Variants in FBXW4 observed in about 807,000 individuals in gnomAD.
FBXW4 encodes the protein F-box and WD repeat domain containing 4, also known as F-box/WD repeat-containing protein 4.
In FBXW4, 40 loss-of-function variants were observed where a neutral mutation model predicts 61.8. The observed-to-expected ratio is 0.65, with a 90% CI of 0.50 to 0.84. The LOEUF (loss-of-function observed/expected upper bound fraction) is 0.84. Among genes scored for constraint, FBXW4 ranks in the 40% least tolerant of loss-of-function variants. The pLI is 0.00. For synonymous variants in FBXW4, 311 were observed against 313.8 expected, an observed-to-expected ratio of 0.99 and a Z score of 0.10; for missense variants, 672 against 753.8, an observed-to-expected ratio of 0.89 and a Z score of 1.27.
chr10:101,632,124 T>C (rs1429043430), intron 5 of FBXW4, among the ~76,000 whole-genome samples: 1 of 151,826 alleles, frequency 6.6e-6, no homozygotes, highest in African/African-American at 2.4e-5. Flanking sequence ...AGAAGGGAGG[T>C]GCCCCACTGG....
chr10:101,663,074 C>G (rs2064261483), intron 5 of FBXW4, among the ~76,000 whole-genome samples: 2 of 152,204 alleles, frequency 1.3e-5, no homozygotes, highest in Non-Finnish European at 1.5e-5. Context: ...GCACACAGGA[C>G]ATGGGAACAG....
At chr10:101,625,096 C>G (rs955371255) in intron 5 of FBXW4, 3 of 447,368 alleles carry the variant, frequency 6.7e-6, no homozygotes, top group Admixed American at 7.0e-5. Flanking sequence ...AAAAACAGAT[C>G]TCTAGACGTG....
intron 5 of FBXW4, chr10:101,660,327 TGGGAG>T: frequency 8.0e-5 from 1 of 12,448 alleles, no homozygotes; most frequent in Non-Finnish European, 1.5e-4. Context: ...GAAGTTGGGT[TGGGAG>T]GGGGGGTGGG....
chr10:101,633,122 G>A (rs10786641), intron 5 of FBXW4, among the ~76,000 whole-genome samples: 38,466 of 152,112 alleles, frequency 0.25, 5,151 homozygotes, highest in Non-Finnish European at 0.29. Flanking sequence ...GACAGAAATA[G>A]TAATAGTACC....
chr10:101,654,119 T>TAAAAAAAAAAAAAAAAAA (rs60568785), intron 5 of FBXW4, among the ~76,000 whole-genome samples: 1 of 118,306 alleles, frequency 8.5e-6, no homozygotes. Flanking sequence ...GACTCCGTCT[T>TAAAAAAAAAAAAAAAAAA]AAAAAAAAAA....
chr10:101,637,275 C>T (rs1324350341), intron 5 of FBXW4, among the ~76,000 whole-genome samples: 3 of 150,008 alleles, frequency 2.0e-5, no homozygotes, highest in African/African-American at 7.4e-5. Context: ...ACCTGTAGTC[C>T]CAGCTACTTG....
chr10:101,678,339 T>C (rs1299238693), intron 1 of FBXW4, among the ~76,000 whole-genome samples: 3 of 152,216 alleles, frequency 2.0e-5, no homozygotes, highest in African/African-American at 4.8e-5. Flanking sequence ...CCACTGCCCA[T>C]ACAAGGTACA....
intron 5 of FBXW4, among the ~76,000 whole-genome samples, chr10:101,633,169 A>G (rs10786642): frequency 0.25 from 38,481 of 152,166 alleles, 5,165 homozygotes; most frequent in Non-Finnish European, 0.29. Flanking sequence ...TATGGGAAGT[A>G]TAAATTAGTT....
chr10:101,665,382 T>C (rs1004623897), intron 5 of FBXW4, among the ~76,000 whole-genome samples: 2 of 152,118 alleles, frequency 1.3e-5, no homozygotes, highest in East Asian at 1.9e-4. Flanking sequence ...GGTGGGAAGA[T>C]GGCTTGAGCC....
chr10:101,641,636 A>AAAAAC (rs142972949), intron 5 of FBXW4, among the ~76,000 whole-genome samples: 149,097 of 150,712 alleles, frequency 0.99, 73,746 homozygotes, highest in East Asian at 1. Context: ...TTTCTCAAAA[A>AAAAAC]AAAACAAAAC....
At chr10:101,621,280 A>G (rs543132259) in intron 6 of FBXW4, among the ~76,000 whole-genome samples, 1 of 152,230 alleles carries the variant, frequency 6.6e-6, no homozygotes, top group South Asian at 2.1e-4. Context: ...TAATCCCACA[A>G]CTTTGGGAGG....
At chr10:101,628,966 G>T (rs1251913048) in intron 5 of FBXW4, among the ~76,000 whole-genome samples, 3 of 152,192 alleles carry the variant, frequency 2.0e-5, no homozygotes, top group Non-Finnish European at 4.4e-5. Context: ...CTGGCATCAT[G>T]CAGACTATCA....
At chr10:101,630,783 T>C (rs2063947781) in intron 5 of FBXW4, among the ~76,000 whole-genome samples, 1 of 152,116 alleles carries the variant, frequency 6.6e-6, no homozygotes, top group Non-Finnish European at 1.5e-5. Flanking sequence ...GCACCCTGGG[T>C]CACCAAAGGG....
At chr10:101,625,477 ATAAC>A (rs1487317497) in intron 5 of FBXW4, 2 of 152,392 alleles carry the variant, frequency 1.3e-5, no homozygotes, top group Non-Finnish European at 2.9e-5. Flanking sequence ...TCTGAGGCCA[ATAAC>A]AAACAACGCC....
At chr10:101,666,127 C>T (rs1028328198) in intron 5 of FBXW4, among the ~76,000 whole-genome samples, 1 of 152,218 alleles carries the variant, frequency 6.6e-6, no homozygotes, top group African/African-American at 2.4e-5. Flanking sequence ...GGAGACAAAG[C>T]TCAATGGCTC....
chr10:101,636,574 A>G (rs2134836185), intron 5 of FBXW4, among the ~76,000 whole-genome samples: 1 of 150,730 alleles, frequency 6.6e-6, no homozygotes, highest in Non-Finnish European at 1.5e-5. Flanking sequence ...TGATAATGGT[A>G]TTATGATTAC....
intron 5 of FBXW4, chr10:101,626,013 G>A (rs1371739637): frequency 6.6e-6 from 1 of 152,276 alleles, no homozygotes; most frequent in Non-Finnish European, 1.5e-5. Flanking sequence ...TTGCTGATGG[G>A]GGAGATGTTA....
Position 101,687,945 on chromosome 10 carries a change from C to T in FBXW4, c.725+6436G>A, listed in dbSNP as rs541630387. Among the ~76,000 whole-genome samples the T allele has an allele frequency of 1.6e-4, 25 of 152,348 alleles. No individual in the cohort carries two copies. In the South Asian group the frequency reaches 5.0e-3, roughly 30 times the overall value. On this transcript the variant is annotated intron_variant, in intron 1 of 8. Coordinates refer to ENST00000331272, the MANE Select transcript of FBXW4 (RefSeq NM_022039.4). ...TGTCAACTGGGGGCACAGGCAATAT[C>T]TCTCTTTGCTGAGGAGAAACTGGAG...
At chr10:101,665,216 C>G (rs1317105533) in intron 5 of FBXW4, among the ~76,000 whole-genome samples, 1 of 151,652 alleles carries the variant, frequency 6.6e-6, no homozygotes, top group African/African-American at 2.4e-5. Context: ...AGAGATAACA[C>G]CGGCATACAC....
Sources: gnomAD v4.1 joint callset for allele counts (sites outside exome capture counted in the v4.1 genomes callset) on GRCh38, gnomAD v4.1.1 for gene constraint, MANE v1.5 for transcripts, NCBI Gene and HGNC (gene_info 2026-07-23, HGNC 2026-07-21) for gene names.